Variants in AFF3 observed in about 807,000 individuals in gnomAD.
AFF3 encodes the protein ALF transcription elongation factor 3.
Under a neutral mutation model 129.7 loss-of-function variants are expected in AFF3, and 32 were observed. That is an observed-to-expected ratio of 0.25 (90% CI 0.19 to 0.33). The LOEUF is 0.33. Among genes scored for constraint, AFF3 ranks in the 10% least tolerant of loss-of-function variants. The pLI is 1.00. For missense variants in AFF3, 1,373 were observed against 1,592.0 expected (o/e 0.86, Z 2.34); for synonymous variants, 644 against 635.4 (o/e 1.01, Z -0.20).
At chr2:99,552,827 C>A (rs1378142660) in intron 24 of AFF3, among the ~76,000 whole-genome samples, 1 of 152,222 alleles carries the variant, frequency 6.6e-6, no homozygotes, top group Non-Finnish European at 1.5e-5. Flanking sequence ...TGCTCACAGT[C>A]TCCCAAACTG....
chr2:100,099,364 C>G (rs1690542548), intron 4 of AFF3, among the ~76,000 whole-genome samples: 1 of 152,244 alleles, frequency 6.6e-6, no homozygotes, highest in Admixed American at 6.5e-5. Flanking sequence ...CGCATGCCCC[C>G]TGGCAGTTGA....
chr2:99,559,014 G>A (rs748358440), intron 21 of AFF3, 46 bp from the exon 22 acceptor site: 1 of 1,557,126 alleles, frequency 6.4e-7, no homozygotes, highest in Non-Finnish European at 8.9e-7. Context: ...TGAGTGCGTC[G>A]TGCGCAAACA....
intron 18 of AFF3, among the ~76,000 whole-genome samples, chr2:99,571,978 T>C (rs1306415029): frequency 6.6e-6 from 1 of 151,930 alleles, no homozygotes; most frequent in African/African-American, 2.4e-5. Context: ...AGATTTTCCA[T>C]CTAATCTTCT....
At chr2:100,028,188 G>A (rs913313970) in intron 4 of AFF3, among the ~76,000 whole-genome samples, 1 of 152,102 alleles carries the variant, frequency 6.6e-6, no homozygotes, top group Admixed American at 6.5e-5. Flanking sequence ...TGTCTCCCAG[G>A]CAGCTTGAGG....
intron 4 of AFF3, among the ~76,000 whole-genome samples, chr2:100,062,211 G>C (rs936613663): frequency 1.3e-5 from 2 of 152,172 alleles, no homozygotes; most frequent in African/African-American, 4.8e-5. Context: ...GGGAGCAAGG[G>C]AAGGCAAGGC....
chr2:99,832,252 T>C (rs752288182), intron 8 of AFF3, among the ~76,000 whole-genome samples: 2 of 152,224 alleles, frequency 1.3e-5, no homozygotes, highest in Non-Finnish European at 2.9e-5. Context: ...GCAAACAACT[T>C]TGTGATTTCT....
intron 7 of AFF3, among the ~76,000 whole-genome samples, chr2:99,902,937 CT>C (rs372546358): frequency 4.1e-4 from 63 of 152,168 alleles, no homozygotes; most frequent in African/African-American, 1.5e-3. Context: ...ATTTTTCTTT[CT>C]CTTTTACTCT....
At chr2:99,555,828 A>G (rs765740037) in intron 22 of AFF3, among the ~76,000 whole-genome samples, 4 of 152,208 alleles carry the variant, frequency 2.6e-5, no homozygotes, top group African/African-American at 4.8e-5. Flanking sequence ...ATGGCCTGTC[A>G]GAACTCTGAG....
chr2:99,916,905 C>T (rs375806377), intron 7 of AFF3, among the ~76,000 whole-genome samples: 7 of 152,174 alleles, frequency 4.6e-5, no homozygotes, highest in East Asian at 1.9e-4. Flanking sequence ...TGCTTAAGGG[C>T]GGGGATTCCT....
At chr2:99,704,975 A>C (rs1304504696) in intron 11 of AFF3, among the ~76,000 whole-genome samples, 2 of 152,240 alleles carry the variant, frequency 1.3e-5, no homozygotes, top group Non-Finnish European at 2.9e-5. Context: ...AATGCATGAG[A>C]TCACCATGAG....
At chr2:99,679,096 A>G (rs1345298378) in intron 11 of AFF3, among the ~76,000 whole-genome samples, 4 of 152,200 alleles carry the variant, frequency 2.6e-5, no homozygotes, top group African/African-American at 9.6e-5. Context: ...GCAAATGGAG[A>G]AATCAGGAAC....
chr2:99,774,975 A>G (rs537840069), intron 8 of AFF3, among the ~76,000 whole-genome samples: 3 of 152,390 alleles, frequency 2.0e-5, no homozygotes, highest in East Asian at 3.9e-4. Context: ...CATGCAGCCA[A>G]CAAACACATG....
chr2:99,947,806 G>A (rs190555820), intron 7 of AFF3, among the ~76,000 whole-genome samples: 1 of 152,248 alleles, frequency 6.6e-6, no homozygotes, highest in Admixed American at 6.5e-5. Flanking sequence ...GTGGAGATAA[G>A]AGGGTTGGAC....
intron 7 of AFF3, among the ~76,000 whole-genome samples, chr2:99,913,561 G>A (rs1364851511): frequency 2.6e-5 from 4 of 152,118 alleles, no homozygotes; most frequent in African/African-American, 7.2e-5. Flanking sequence ...TCCAATGAAC[G>A]GGCCTAGAAC....
intron 7 of AFF3, among the ~76,000 whole-genome samples, chr2:99,925,525 T>A (rs553339097): frequency 6.6e-6 from 1 of 152,298 alleles, no homozygotes; most frequent in African/African-American, 2.4e-5. Flanking sequence ...TGGCACATAG[T>A]CGGCACTCAG....
chr2:100,109,614 C>T (rs947500628), intron 2 of AFF3, among the ~76,000 whole-genome samples: 4 of 152,166 alleles, frequency 2.6e-5, no homozygotes, highest in African/African-American at 9.7e-5. Flanking sequence ...GTGCCCTGGC[C>T]ATTCATGCAA....
intron 2 of AFF3, among the ~76,000 whole-genome samples, chr2:100,113,223 A>T (rs1691588104): frequency 6.6e-6 from 1 of 152,224 alleles, no homozygotes; most frequent in African/African-American, 2.4e-5. Context: ...ATTATTGAAC[A>T]CCTATTACAT....
chr2:99,583,541 C>T (rs1277003588), intron 16 of AFF3, among the ~76,000 whole-genome samples: 2 of 152,034 alleles, frequency 1.3e-5, no homozygotes, highest in East Asian at 3.9e-4. Context: ...CATCACCACA[C>T]CGGGCTAATT....
At position 100,008,871 on chromosome 2, in the gene AFF3, T is replaced by C; in HGVS notation, c.115A>G (p.Thr39Ala). The stretch of plus-strand genomic sequence containing the variant: ...TTAAACGTGCCATCATCCTGTTGAG[T>C]TTCTTGATTTCTTCTTTCTCGTTCT... ...RKERERRNQE[T>A]QQDDGTFNSS... Residue 39 changes from threonine to alanine, a missense_variant, in exon 5 of 25, where the codon ACT becomes GCT. By Grantham distance (58) the Thr-to-Ala change is moderately conservative. Around this residue, in one of 9 missense-constraint regions of AFF3, gnomAD observed 255 missense variants for 256.0 expected, o/e 1.00. Coordinates refer to ENST00000672756, the MANE Select transcript of AFF3 (RefSeq NM_001386135.1). 1.2e-6 allele frequency: 2 copies of C among 1,614,014 alleles called. No individual in the cohort carries two copies. Among genetic ancestry groups the C allele is most frequent in the Middle Eastern group, 1.6e-4 (1 of 6,062 alleles).
Sources: gnomAD v4.1 joint callset for allele counts (sites outside exome capture counted in the v4.1 genomes callset) on GRCh38, gnomAD v4.1.1 for gene constraint, gnomAD v4.1.1 regional missense constraint, MANE v1.5 for transcripts, NCBI Gene and HGNC (gene_info 2026-07-23, HGNC 2026-07-21) for gene names.